Variants in AFG2A observed in about 807,000 individuals in gnomAD.
AFG2A encodes AAA ATPase AFG2A, also known as ATPase family gene 2 protein homolog A.
the AFG2A span, among the ~76,000 whole-genome samples, chr4:123,011,771 G>A: frequency 1.3e-5 from 2 of 152,290 alleles, no homozygotes; most frequent in South Asian, 4.2e-4. Flanking sequence ...AGGAGGAATG[G>A]AGGGTGGAAG....
the AFG2A span, chr4:122,938,123 T>A: frequency 6.3e-7 from 1 of 1,592,080 alleles, no homozygotes; most frequent in Non-Finnish European, 8.5e-7. Flanking sequence ...TGTTTGTTTT[T>A]AGACACCCAT....
At chr4:123,074,519 C>G in the AFG2A span, among the ~76,000 whole-genome samples, 4 of 147,160 alleles carry the variant, frequency 2.7e-5, no homozygotes, top group East Asian at 8.0e-4. Flanking sequence ...TAAGAATCCT[C>G]TGTTCTGTTT....
the AFG2A span, among the ~76,000 whole-genome samples, chr4:123,265,101 C>A: frequency 6.6e-6 from 1 of 152,062 alleles, no homozygotes; most frequent in Non-Finnish European, 1.5e-5. Context: ...TAATAAAATT[C>A]TCCTTAGCAA....
chr4:122,939,459 A>T, the AFG2A span, among the ~76,000 whole-genome samples: 1 of 152,208 alleles, frequency 6.6e-6, no homozygotes, highest in East Asian at 1.9e-4. Context: ...GAGAATAGGC[A>T]TGAACAAAAA....
chr4:122,987,121 A>T, the AFG2A span, among the ~76,000 whole-genome samples: 16 of 152,106 alleles, frequency 1.1e-4, no homozygotes, highest in Non-Finnish European at 1.5e-5. Context: ...TGTCTAATAT[A>T]AGTATAGCCA....
the AFG2A span, among the ~76,000 whole-genome samples, chr4:123,202,504 A>C: frequency 6.6e-6 from 1 of 152,170 alleles, no homozygotes; most frequent in African/African-American, 2.4e-5. Context: ...AGTTGAAAAA[A>C]ATAGTACATA....
At chr4:123,036,347 C>G in the AFG2A span, among the ~76,000 whole-genome samples, 2 of 152,144 alleles carry the variant, frequency 1.3e-5, no homozygotes, top group Non-Finnish European at 2.9e-5. Context: ...TGGAAGTATC[C>G]TAACTCCAGG....
chr4:122,947,446 G>T, the AFG2A span: 15 of 1,613,876 alleles, frequency 9.3e-6, no homozygotes, highest in South Asian at 1.6e-4. Context: ...TAGTGCTCAT[G>T]GATACGTTGG....
the AFG2A span, among the ~76,000 whole-genome samples, chr4:123,209,586 A>AT: frequency 0.074 from 8,577 of 116,230 alleles, 603 homozygotes; most frequent in African/African-American, 0.17. Flanking sequence ...TGCATCAAGA[A>AT]TTTTTTTTTT....
At chr4:123,042,350 G>T in the AFG2A span, among the ~76,000 whole-genome samples, 7 of 151,946 alleles carry the variant, frequency 4.6e-5, no homozygotes, top group Admixed American at 3.9e-4. Context: ...GAGAGAGAGA[G>T]ATATCAAGCT....
chr4:122,929,263 A>C, the AFG2A span: 58 of 1,455,734 alleles, frequency 4.0e-5, no homozygotes, highest in Non-Finnish European at 4.7e-5. Context: ...AGAGTCACAA[A>C]TGTAAACCAC....
chr4:123,045,138 C>CT, the AFG2A span, among the ~76,000 whole-genome samples: 2 of 151,464 alleles, frequency 1.3e-5, no homozygotes, highest in Admixed American at 1.3e-4. Context: ...TTGTATTGAA[C>CT]TTTTTTTCTC....
the AFG2A span, among the ~76,000 whole-genome samples, chr4:123,208,423 C>T: frequency 6.6e-6 from 1 of 152,156 alleles, no homozygotes; most frequent in Non-Finnish European, 1.5e-5. Flanking sequence ...GGAAGGAACA[C>T]ATTTAATGGA....
the AFG2A span, among the ~76,000 whole-genome samples, chr4:123,028,722 G>T: frequency 6.6e-6 from 1 of 151,880 alleles, no homozygotes; most frequent in African/African-American, 2.4e-5. Flanking sequence ...GCTTAACCAG[G>T]ACTTAAAGAT....
chr4:123,283,522 A>G, the AFG2A span, among the ~76,000 whole-genome samples: 1 of 152,180 alleles, frequency 6.6e-6, no homozygotes, highest in East Asian at 1.9e-4. Flanking sequence ...GTCAAGGCCA[A>G]TTTCATAGGA....
At chr4:123,084,590 A>ATG in the AFG2A span, among the ~76,000 whole-genome samples, 67,237 of 143,014 alleles carry the variant, frequency 0.47, 18,599 homozygotes, top group Non-Finnish European at 0.62. Context: ...GTATATATAT[A>ATG]TGTGTGTGTG....
chr4:123,271,707 A>T, the AFG2A span, among the ~76,000 whole-genome samples: 2 of 152,294 alleles, frequency 1.3e-5, no homozygotes, highest in Admixed American at 1.3e-4. Context: ...TGAGAGCAGA[A>T]AATTACCTGG....
chr4:122,945,431 C>T, the AFG2A span, among the ~76,000 whole-genome samples: 13 of 152,220 alleles, frequency 8.5e-5, no homozygotes, highest in Admixed American at 3.3e-4. Context: ...ACTCCGTGGG[C>T]GTAGGACCCT....
chr4:123,301,767 G>T, the AFG2A span, among the ~76,000 whole-genome samples: 1 of 152,160 alleles, frequency 6.6e-6, no homozygotes, highest in South Asian at 2.1e-4. Context: ...TTAACACCAT[G>T]TCATCTTCTT....
Sources: allele counts gnomAD v4.1 joint callset (sites outside exome capture counted in the v4.1 genomes callset), GRCh38; gene constraint gnomAD v4.1.1; transcripts MANE v1.5; gene names NCBI Gene and HGNC (gene_info 2026-07-23, HGNC 2026-07-21).